The following ZNF469 variants were observed in gnomAD, a reference collection of about 807,000 sequenced individuals.
ZNF469 encodes the protein zinc finger protein 469.
In ZNF469, 1 loss-of-function variant was observed where a neutral mutation model predicts 1.0. That is an observed-to-expected ratio of 1.00 (90% CI 0.35 to 4.73). ZNF469 has a LOEUF of 4.73. Ranked by LOEUF, ZNF469 falls within the 30% of genes most tolerant of loss-of-function variation. The pLI is 0.16. For synonymous variants in ZNF469, 2,703 were observed against 2,363.4 expected (o/e 1.14, Z -4.17); for missense variants, 6,100 against 5,356.3 (o/e 1.14, Z -4.33).
the ZNF469 span, among the ~76,000 whole-genome samples, chr16:88,197,706 G>T: frequency 8.5e-5 from 13 of 152,316 alleles, no homozygotes; most frequent in African/African-American, 3.1e-4. Context: ...CACAGCGTCC[G>T]TGGGGCTGCC....
chr16:88,218,804 A>G, the ZNF469 span, among the ~76,000 whole-genome samples: 2 of 151,328 alleles, frequency 1.3e-5, no homozygotes, highest in African/African-American at 4.9e-5. Flanking sequence ...AAGGTATTCA[A>G]TTAGGAAAAG....
At chr16:88,413,027 G>A (rs1021001254) in intron 1 of ZNF469, among the ~76,000 whole-genome samples, 4 of 151,906 alleles carry the variant, frequency 2.6e-5, no homozygotes, top group Non-Finnish European at 4.4e-5. Flanking sequence ...GACCCAGGGC[G>A]CACCACGGCG....
At chr16:88,275,741 C>T in the ZNF469 span, among the ~76,000 whole-genome samples, 1 of 152,240 alleles carries the variant, frequency 6.6e-6, no homozygotes, top group Admixed American at 6.5e-5. Flanking sequence ...ACCCCAAAGC[C>T]TCCCAGGACC....
the ZNF469 span, among the ~76,000 whole-genome samples, chr16:88,201,116 C>T: frequency 1.1e-4 from 16 of 152,344 alleles, no homozygotes; most frequent in East Asian, 1.2e-3. The surrounding 1 kb of genome is among the most constrained non-coding windows in gnomAD (Gnocchi z 5.0). Context: ...CACCACTGAG[C>T]GACAGTTTCT....
At chr16:88,164,392 G>A in the ZNF469 span, among the ~76,000 whole-genome samples, 2 of 152,162 alleles carry the variant, frequency 1.3e-5, no homozygotes, top group African/African-American at 2.4e-5. Context: ...ATGCAGGAAT[G>A]GTAGATGTAC....
the ZNF469 span, among the ~76,000 whole-genome samples, chr16:88,261,360 G>C: frequency 6.6e-6 from 1 of 152,198 alleles, no homozygotes; most frequent in Non-Finnish European, 1.5e-5. The surrounding 1 kb of genome is among the most constrained non-coding windows in gnomAD (Gnocchi z 6.0). Flanking sequence ...ATTTTGGGCT[G>C]GGGGAGGCTT....
At chr16:88,244,511 GGATGGATGGATCAGTGAATT>G in the ZNF469 span, among the ~76,000 whole-genome samples, 1 of 151,274 alleles carries the variant, frequency 6.6e-6, no homozygotes, top group Non-Finnish European at 1.5e-5. Context: ...ATGTATTCGT[GGATGGATGGATCAGTGAATT>G]GATGGATGGG....
chr16:88,178,422 A>C, the ZNF469 span: 1 of 152,142 alleles, frequency 6.6e-6, no homozygotes, highest in Non-Finnish European at 1.5e-5. Flanking sequence ...CGTTCTGAGA[A>C]CTGGGCACAG....
chr16:88,376,133 C>T, the ZNF469 span, among the ~76,000 whole-genome samples: 1 of 152,248 alleles, frequency 6.6e-6, no homozygotes, highest in East Asian at 1.9e-4. Flanking sequence ...ACGGCGCAGC[C>T]GGGCCACAAG....
chr16:88,270,923 A>C, the ZNF469 span, among the ~76,000 whole-genome samples: 1 of 152,210 alleles, frequency 6.6e-6, no homozygotes, highest in African/African-American at 2.4e-5. Flanking sequence ...AGGAACAGAC[A>C]GTTCAGGTGT....
Position 88,439,429 on chromosome 16 carries a change from C to T in ZNF469, c.*97C>T. On this transcript the variant is annotated 3_prime_UTR_variant, in exon 3 of 3. Coordinates refer to ENST00000565624, the MANE Select transcript of ZNF469 (RefSeq NM_001367624.2). ...CTCCCTGAGATGGTCCACTCTGTGG[C>T]CACTTGACTTCTTGTGCAACTGCTC... is the stretch of plus-strand genomic sequence containing the variant. 1 of 1,348,698 alleles carries T rather than the reference C, an allele frequency of 7.4e-7. No individual in the cohort carries two copies. Among genetic ancestry groups the T allele is most frequent in the Non-Finnish European group, 1.0e-6 (1 of 967,800 alleles). 83.5% of individuals were successfully genotyped at this position (1,348,698 alleles called of 1,614,324 possible).
At chr16:88,323,230 G>C in the ZNF469 span, among the ~76,000 whole-genome samples, 1 of 152,158 alleles carries the variant, frequency 6.6e-6, no homozygotes, top group South Asian at 2.1e-4. Context: ...GCTCCGAGGA[G>C]GGGCCCCGGA....
At chr16:88,129,024 T>G in the ZNF469 span, among the ~76,000 whole-genome samples, 1 of 152,244 alleles carries the variant, frequency 6.6e-6, no homozygotes, top group African/African-American at 2.4e-5. Context: ...GATGGCGCTG[T>G]GCTTACAGGT....
chr16:88,248,149 A>G, the ZNF469 span, among the ~76,000 whole-genome samples: 2 of 152,128 alleles, frequency 1.3e-5, no homozygotes, highest in Non-Finnish European at 2.9e-5. Flanking sequence ...AACCAGTGGG[A>G]TACACAAGGA....
the ZNF469 span, among the ~76,000 whole-genome samples, chr16:88,222,897 C>A: frequency 6.6e-6 from 1 of 152,240 alleles, no homozygotes; most frequent in Admixed American, 6.5e-5. Context: ...CCACACTCAT[C>A]CCAAAGGATT....
Position 88,428,123 on chromosome 16 carries a change from C to A in ZNF469, c.653C>A (p.Pro218His). ...PGPPQSRGTS[P>H]LQPGSYPEYQ... ...CCCCCCCAGAGCAGGGGCACCAGCC[C>A]CCTCCAGCCCGGTTCCTATCCCGAA... The change falls in exon 3 of 3, where the codon CCC (proline) becomes CAC (histidine). Residue 218 changes from proline to histidine, a missense_variant. Coordinates refer to ENST00000565624, the MANE Select transcript of ZNF469 (RefSeq NM_001367624.2). 6.5e-7 allele frequency: 1 copy of A among 1,549,974 alleles called. No homozygotes were observed. Among genetic ancestry groups the A allele is most frequent in the Non-Finnish European group, 8.7e-7 (1 of 1,146,834 alleles).
At chr16:88,380,698 TCA>T (rs555481766), upstream of ZNF469, among the ~76,000 whole-genome samples, 754 of 117,622 alleles carry the variant, frequency 6.4e-3, 7 homozygotes, top group African/African-American at 0.024. Context: ...ACACATGCAC[TCA>T]CACTCAGACA....
At chr16:88,120,402 AT>A in the ZNF469 span, among the ~76,000 whole-genome samples, 1 of 152,356 alleles carries the variant, frequency 6.6e-6, no homozygotes, top group South Asian at 2.1e-4. Flanking sequence ...GAGTGATGTC[AT>A]CGGGCCGGCG....
chr16:88,132,447 G>A, the ZNF469 span, among the ~76,000 whole-genome samples: 10 of 152,326 alleles, frequency 6.6e-5, no homozygotes, highest in East Asian at 1.7e-3. Context: ...TCTGTGACTG[G>A]CCCCATCTCT....
Sources: gnomAD v4.1 joint callset for allele counts (sites outside exome capture counted in the v4.1 genomes callset) on GRCh38, gnomAD v4.1.1 for gene constraint, Gnocchi (gnomAD v3.1) non-coding constraint, MANE v1.5 for transcripts, NCBI Gene and HGNC (gene_info 2026-07-23, HGNC 2026-07-21) for gene names.